Variants in RBM41 observed in about 807,000 individuals in gnomAD.
The protein encoded by RBM41 is RNA-binding protein 41.
RBM41 carries 14 observed loss-of-function variants against 30.8 expected under a neutral mutation model. The ratio of observed to expected loss-of-function variants is 0.45; its 90% CI spans 0.30 to 0.71. The LOEUF is 0.71. RBM41 is among the 30% of genes least tolerant of loss of function. The probability of loss-of-function intolerance (pLI) is 0.08; values close to 1 mark genes in which losing one functional copy is unlikely to be tolerated. For missense variants in RBM41, 276 were observed against 326.3 expected (o/e 0.85, Z 1.19); for synonymous variants, 120 against 110.1 (o/e 1.09, Z -0.56).
chrX:107,088,576 G>A lies in RBM41; in HGVS notation c.859C>T (p.Gln287Ter). 8.3e-7 allele frequency: 1 copy of A among 1,211,372 alleles called. No homozygotes were observed. The highest frequency in any genetic ancestry group is 1.1e-6 in the Non-Finnish European group (1 of 895,426). The change falls in exon 6 of 8, where the codon CAG becomes TAG. Residue 287 changes from glutamine to a stop codon, truncating the protein, a stop_gained. Coordinates refer to ENST00000685964, the MANE Select transcript of RBM41 (RefSeq NM_001324242.2). LOFTEE classifies it high-confidence loss of function. ...VANVIDFSPE[Q>*]CWTGPKKLTQ... ...AGCTTCTTAGGCCCAGTCCAACACT[G>A]CTCAGGTGAAAAATCAATAACATTT...
At chrX:107,056,193 T>C in the RBM41 span, among the ~76,000 whole-genome samples, 1 of 112,061 alleles carries the variant, frequency 8.9e-6, no homozygotes, top group African/African-American at 3.2e-5. Flanking sequence ...CTTATTACAT[T>C]GATTGATTTT....
At chrX:107,070,509 C>T (rs1361213289) in intron 6 of RBM41, 3 of 244,125 alleles carry the variant, frequency 1.2e-5, no homozygotes, top group Non-Finnish European at 2.3e-5. Flanking sequence ...TAAAGTGAAG[C>T]TCAAAGTCAA....
rs1185545728 is a variant in RBM41 at position 107,063,603 on chromosome X, TCCA to T, written c.*3921_*3923del. Among the ~76,000 whole-genome samples the T allele has an allele frequency of 8.9e-6, 1 of 112,159 alleles. No homozygotes were observed. Among genetic ancestry groups the T allele is most frequent in the African/African-American group, 3.2e-5 (1 of 30,914 alleles). On this transcript the variant is annotated 3_prime_UTR_variant, in exon 8 of 8. Transcript: ENST00000685964. Reference sequence around the variant, plus strand: ...TAGTTTGTGTCTTCCTAGGAATTTGTCCACTTCATTGATAATTTATTGACATAA... The same window carrying T: ...TAGTTTGTGTCTTCCTAGGAATTTGTCTTCATTGATAATTTATTGACATAA...
chrX:107,076,877 A>G (rs745888040), intron 6 of RBM41, among the ~76,000 whole-genome samples: 29 of 110,847 alleles, frequency 2.6e-4, no homozygotes, highest in Admixed American at 1.1e-3. Flanking sequence ...AAGTGCTAAA[A>G]GGTATAAATA....
At position 107,066,574 on chromosome X, in the gene RBM41, G is replaced by T; in HGVS notation, c.*953C>A. On this transcript the variant is annotated 3_prime_UTR_variant, in exon 8 of 8. Transcript: ENST00000685964. ...GTAGCATTATTATCCTCACTTTATA[G>T]ATGAAAAATGTGAGGCTCAGATTAA... 1 of 284,701 alleles carries T rather than the reference G, an allele frequency of 3.5e-6. No individual in the cohort carries two copies. Among genetic ancestry groups the T allele is most frequent in the Non-Finnish European group, 4.7e-6 (1 of 211,099 alleles). 23.5% of individuals were successfully genotyped at this position (284,701 alleles called of 1,213,427 possible). A position where few individuals can be genotyped will look rare whatever the true frequency, so the allele number is the denominator to read the frequency against.
chrX:107,057,197 CTTCT>C (rs1347570562), downstream of RBM41, among the ~76,000 whole-genome samples: 1 of 110,710 alleles, frequency 9.0e-6, no homozygotes, highest in African/African-American at 3.3e-5. Context: ...TATTTCCTTC[CTTCT>C]ACTAGTTTTC....
intron 6 of RBM41, among the ~76,000 whole-genome samples, chrX:107,077,938 C>T (rs1921134620): frequency 9.0e-6 from 1 of 111,445 alleles, no homozygotes. Flanking sequence ...AATGTAACCT[C>T]ACATTAATAT....
In RBM41 at chrX:107,081,131, A is replaced by G. The variant is rs753647827; in HGVS notation, c.999+7305T>C. ...ACTTAGATTTTAATCTTTTTCTTCT[A>G]GAAGTTTTATCGTATTGTGCTTTAT... On this transcript the variant is annotated intron_variant, in intron 6 of 7. Transcript: ENST00000685964. Among the ~76,000 whole-genome samples, 4 of 111,678 alleles carry G rather than the reference A, an allele frequency of 3.6e-5. No individual in the cohort carries two copies. The East Asian group carries it at 1.1e-3, about 31-fold the overall frequency.
At position 107,116,711 on chromosome X, in the gene RBM41, C is replaced by T; in HGVS notation, c.64G>A (p.Gly22Arg). Reference protein sequence around the residue: ...EHVLEELETEGERQLKSLLQH... With the variant: ...EHVLEELETERERQLKSLLQH... ...AGGAGGCTTTTCAGCTGCCTCTCCCCTTCTGTTTCCAGCTCCTCCAGGACA... is the reference window on the plus strand; with the variant it reads ...AGGAGGCTTTTCAGCTGCCTCTCCCTTTCTGTTTCCAGCTCCTCCAGGACA... Residue 22 changes from glycine to arginine, a missense_variant, in exon 2 of 8, where the codon GGG becomes AGG. Physicochemically the swap from Gly to Arg is moderately radical, Grantham distance 125. Transcript: ENST00000685964. 2.5e-6 allele frequency: 3 copies of T among 1,211,004 alleles called. No homozygotes were observed. The highest frequency in any genetic ancestry group is 3.4e-6 in the Non-Finnish European group (3 of 895,425).
At chrX:107,082,849 TATA>T (rs1156292248) in intron 6 of RBM41, among the ~76,000 whole-genome samples, 3 of 111,370 alleles carry the variant, frequency 2.7e-5, no homozygotes, top group East Asian at 5.6e-4. Context: ...ACCTATTCCT[TATA>T]ATATCACTGT....
intron 5 of RBM41, among the ~76,000 whole-genome samples, chrX:107,106,753 G>C (rs1924032997): frequency 9.2e-6 from 1 of 108,938 alleles, no homozygotes; most frequent in African/African-American, 3.4e-5. Flanking sequence ...ATCATTCTCA[G>C]CAAACTATTG....
At chrX:107,076,733 A>G (rs1936242189) in intron 6 of RBM41, among the ~76,000 whole-genome samples, 1 of 111,708 alleles carries the variant, frequency 9.0e-6, no homozygotes, top group Non-Finnish European at 1.9e-5. Flanking sequence ...ACAATTTAAA[A>G]AAATGGAGGA....
At chrX:107,077,261 AG>A (rs1921031898) in intron 6 of RBM41, among the ~76,000 whole-genome samples, 1 of 110,893 alleles carries the variant, frequency 9.0e-6, no homozygotes, top group African/African-American at 3.3e-5. Context: ...CCTCCCCAGT[AG>A]CTGGGATTGC....
intron 1 of RBM41, among the ~76,000 whole-genome samples, chrX:107,117,981 T>G (rs753981052): frequency 8.9e-6 from 1 of 112,048 alleles, no homozygotes; most frequent in Non-Finnish European, 1.9e-5. Flanking sequence ...GGCAAAGTCA[T>G]AAACGGTTTT....
chrX:107,108,958 G>A (rs770360287), intron 5 of RBM41, among the ~76,000 whole-genome samples: 2 of 111,678 alleles, frequency 1.8e-5, no homozygotes, highest in African/African-American at 6.5e-5. Context: ...AATTACAGTA[G>A]AAAGTATGGG....
In RBM41 at chrX:107,118,781, C is replaced by A; in HGVS notation, c.-8G>T. ...AAGTCCTTACCTCTTCATGTTTCCA[C>A]AGGCCCCTACCTCCAACTTGGGTAA... On this transcript the variant is annotated 5_prime_UTR_variant, in exon 1 of 8. Coordinates refer to ENST00000685964, the MANE Select transcript of RBM41 (RefSeq NM_001324242.2). 1 of 1,211,870 alleles carries A rather than the reference C, an allele frequency of 8.3e-7. No individual in the cohort carries two copies. The highest frequency in any genetic ancestry group is 1.1e-6 in the Non-Finnish European group (1 of 895,518).
At chrX:107,109,193 CA>C (rs1924253233) in intron 5 of RBM41, among the ~76,000 whole-genome samples, 1 of 109,896 alleles carries the variant, frequency 9.1e-6, no homozygotes, top group Non-Finnish European at 1.9e-5. Context: ...AACAGAGGAA[CA>C]AAAAAGATAG....
intron 5 of RBM41, among the ~76,000 whole-genome samples, chrX:107,111,231 A>C (rs1192911791): frequency 9.0e-6 from 1 of 111,569 alleles, no homozygotes. Flanking sequence ...TGGACAAGAG[A>C]TCTGAACAGA....
At chrX:107,077,766 AT>A (rs1321127614) in intron 6 of RBM41, among the ~76,000 whole-genome samples, 25 of 111,831 alleles carry the variant, frequency 2.2e-4, no homozygotes, top group African/African-American at 8.1e-4. Flanking sequence ...AGCCCTTTAT[AT>A]AAACAATATG....
Sources: gnomAD v4.1 joint callset for allele counts (sites outside exome capture counted in the v4.1 genomes callset) on GRCh38, gnomAD v4.1.1 for gene constraint, MANE v1.5 for transcripts, NCBI Gene and HGNC (gene_info 2026-07-23, HGNC 2026-07-21) for gene names.